Variants in KRT23 observed in about 807,000 individuals in gnomAD.
KRT23 encodes the protein keratin, type I cytoskeletal 23.
Under a neutral mutation model 47.6 loss-of-function variants are expected in KRT23, and 38 were observed. The observed-to-expected ratio is 0.80, with a 90% confidence interval of 0.62 to 1.05. The LOEUF is 1.05. KRT23 is among the 50% of genes least tolerant of loss of function. The pLI is 0.00. For missense variants in KRT23, 503 were observed against 529.5 expected (o/e 0.95, Z 0.49); for synonymous variants, 191 against 199.0 (o/e 0.96, Z 0.34).
intron 6 of KRT23, among the ~76,000 whole-genome samples, chr17:40,926,897 C>T (rs955513075): frequency 6.6e-6 from 1 of 151,912 alleles, no homozygotes; most frequent in East Asian, 1.9e-4. Flanking sequence ...CCCCTCCCTT[C>T]CCCTCCTCTT....
Position 40,923,061 on chromosome 17 carries a change from C to T in KRT23, c.1197G>A (p.Lys399=). The T allele has an allele frequency of 6.2e-7, 1 of 1,613,894 alleles. No homozygotes were observed. Among genetic ancestry groups the T allele is most frequent in the South Asian group, 1.1e-5 (1 of 91,070 alleles). Reference sequence around the variant, plus strand: ...CGTTGATGGTCTCCTGGGTTATGGCCTTGATCTTTGGAGTTGCAGACACTG... The same window carrying T: ...CGTTGATGGTCTCCTGGGTTATGGCTTTGATCTTTGGAGTTGCAGACACTG... ...SMKVSATPKI[K]AITQETINGR... is the part of the protein sequence containing the mutation. Residue 399 remains lysine, a synonymous_variant, in exon 9 of 9, where the codon AAG becomes AAA. Transcript: ENST00000209718.
At position 40,932,811 on chromosome 17, in the gene KRT23, T is replaced by C. The variant is rs188144398; in HGVS notation, c.397-1356A>G. On this transcript the variant is annotated intron_variant, in intron 2 of 8. Transcript: ENST00000209718. ...ACTGATCCCATGGAATTTGGTATCA[T>C]GAATGCACAATAGCAGGATTTAGAG... 7.9e-5 allele frequency among the ~76,000 whole-genome samples: 12 copies of C among 152,348 alleles called. No homozygotes were observed. In the East Asian group the frequency reaches 2.3e-3, roughly 29 times the overall value.
chr17:40,927,193 T>C (rs893247942), intron 6 of KRT23, among the ~76,000 whole-genome samples: 1 of 152,168 alleles, frequency 6.6e-6, no homozygotes, highest in Non-Finnish European at 1.5e-5. Context: ...CCATCTAACA[T>C]ATATTTTGAT....
intron 2 of KRT23, among the ~76,000 whole-genome samples, chr17:40,932,094 G>A (rs1258191661): frequency 6.0e-5 from 9 of 150,838 alleles, no homozygotes; most frequent in African/African-American, 9.7e-5. Context: ...TTTTTTGCCC[G>A]AAGTGACTGT....
chr17:40,932,846 A>T (rs1276160909), intron 2 of KRT23, among the ~76,000 whole-genome samples: 2 of 152,218 alleles, frequency 1.3e-5, no homozygotes. Flanking sequence ...GATGGCATGA[A>T]TGCTGGGTCT....
chr17:40,922,906 T>C lies in KRT23; in HGVS notation c.*83A>G. 1 of 944,274 alleles carries C rather than the reference T, an allele frequency of 1.1e-6. No individual in the cohort carries two copies. Among genetic ancestry groups the C allele is most frequent in the Non-Finnish European group, 1.7e-6 (1 of 585,568 alleles). The allele number at this position is 944,274 out of a possible 1,614,324, so 58.5% of individuals were successfully genotyped here. A position where few individuals can be genotyped will look rare whatever the true frequency, so the allele number is the denominator to read the frequency against. On this transcript the variant is annotated 3_prime_UTR_variant, in exon 9 of 9. Transcript: ENST00000209718. Reference sequence around the variant, plus strand: ...AGTCTGATAATTCCAAGGGTATCTTTTAGAACTCACTCACTGGTGTCTGTG... The same window carrying C: ...AGTCTGATAATTCCAAGGGTATCTTCTAGAACTCACTCACTGGTGTCTGTG...
chr17:40,929,617 G>A, intron 4 of KRT23: 1 of 240,282 alleles, frequency 4.2e-6, no homozygotes, highest in Non-Finnish European at 8.0e-6. Flanking sequence ...CTGAACATTG[G>A]GCCAGTGATG....
chr17:40,931,353 C>A lies in KRT23; in HGVS notation c.479+20G>T. ...GCAAACAAACAAAAACCCGAACAAC[C>A]CTGTGAAGAAGGAACTTACTTGAGG... On this transcript the variant is annotated intron_variant, in intron 3 of 8. Transcript: ENST00000209718. 2 of 1,576,642 alleles carry A rather than the reference C, an allele frequency of 1.3e-6. No homozygotes were observed. Among genetic ancestry groups the A allele is most frequent in the Non-Finnish European group, 1.7e-6 (2 of 1,145,870 alleles).
chr17:40,927,205 A>T (rs549274354), intron 6 of KRT23, among the ~76,000 whole-genome samples: 1 of 152,204 alleles, frequency 6.6e-6, no homozygotes, highest in African/African-American at 2.4e-5. Flanking sequence ...TATTTTGATG[A>T]TTTGCACATT....
rs148164079 is a variant in KRT23 at position 40,927,604 on chromosome 17, T to A, written c.921+634A>T. ...CTGGGAATCAAATGATAGACCTTCA[T>A]AAATTTTGAATGCTTATGACCATGC... is the stretch of plus-strand genomic sequence containing the variant. On this transcript the variant is annotated intron_variant, in intron 6 of 8. Coordinates refer to ENST00000209718, the MANE Select transcript of KRT23 (RefSeq NM_015515.5). Among the ~76,000 whole-genome samples the A allele has an allele frequency of 3.3e-3, 444 of 136,324 alleles. 1 individual carries two copies. The highest frequency in any genetic ancestry group is 0.015 in the Middle Eastern group (4 of 272). 89.4% of individuals were successfully genotyped at this position (136,324 alleles called of 152,430 possible).
chr17:40,925,173 T>C (rs1909144973), intron 7 of KRT23, 181 bp downstream of exon 7: 6 of 604,932 alleles, frequency 9.9e-6, no homozygotes, highest in East Asian at 5.5e-5. Context: ...TGAGTATTAG[T>C]TGATTAATTA....
intron 6 of KRT23, among the ~76,000 whole-genome samples, chr17:40,926,136 A>C (rs925899175): frequency 1.3e-5 from 2 of 152,210 alleles, no homozygotes; most frequent in Non-Finnish European, 2.9e-5. Context: ...TGGTAAAAAA[A>C]AAAAATGTCA....
chr17:40,929,786 C>T (rs1329016622), intron 4 of KRT23, 154 bp downstream of exon 4: 2 of 576,234 alleles, frequency 3.5e-6, no homozygotes, highest in Non-Finnish European at 5.8e-6. Context: ...AAATTAGAAA[C>T]ATTAGATATT....
Position 40,936,457 on chromosome 17 carries a change from C to T in KRT23, c.147G>A (p.Thr49=), listed in dbSNP as rs201367421. 247 of 1,602,318 alleles carry T rather than the reference C, an allele frequency of 1.5e-4. 1 individual carries two copies. Among genetic ancestry groups the T allele is most frequent in the South Asian group, 4.0e-4 (36 of 89,650 alleles). ...GGARISLSFT[T]RSCPPPGGSW... is the part of the protein sequence containing the mutation. The stretch of plus-strand genomic sequence containing the variant: ...ACCCTCCAGGGGGTGGGCAGCTCCG[C>T]GTGGTGAAGGACAGGGAGATGCGGG... Residue 49 remains threonine, a synonymous_variant, in exon 2 of 9, where the codon ACG becomes ACA. Coordinates refer to ENST00000209718, the MANE Select transcript of KRT23 (RefSeq NM_015515.5).
Position 40,936,498 on chromosome 17 carries a change from C to A in KRT23, c.106G>T (p.Gly36Cys). The change falls in exon 2 of 9, where the codon GGC (glycine) becomes TGC (cysteine). Residue 36 changes from glycine (G) to cysteine (C), a missense_variant. By Grantham distance (159) the Gly-to-Cys change is radical. Transcript: ENST00000209718. Reference sequence around the variant, plus strand: ...GAGATGCGGGCTCCCCCCGCACCGCCATGGACGGTGGGAGCCCTGGGGAAG... The same window carrying A: ...GAGATGCGGGCTCCCCCCGCACCGCAATGGACGGTGGGAGCCCTGGGGAAG... ...RSFPRAPTVH[G>C]GAGGARISLS... 6.5e-7 allele frequency: 1 copy of A among 1,544,564 alleles called. No individual in the cohort carries two copies.
chr17:40,931,214 G>C (rs1393887683), intron 3 of KRT23, among the ~76,000 whole-genome samples, 159 bp downstream of exon 3: 5 of 152,052 alleles, frequency 3.3e-5, no homozygotes, highest in Non-Finnish European at 7.4e-5. Context: ...GTTTCACCAT[G>C]TTGGCCAGGA....
chr17:40,924,539 A>G (rs1324579617), intron 7 of KRT23, 36 bp from the exon 8 acceptor site: 5 of 1,555,224 alleles, frequency 3.2e-6, no homozygotes, highest in Non-Finnish European at 4.4e-6. Context: ...TCACTTTAGT[A>G]TTAGCAACAA....
At chr17:40,923,913 G>T (rs753614045) in intron 8 of KRT23, among the ~76,000 whole-genome samples, 4 of 152,314 alleles carry the variant, frequency 2.6e-5, no homozygotes, top group African/African-American at 9.6e-5. Flanking sequence ...CATGTTTCCA[G>T]GTCAAAGATG....
At chr17:40,925,845 A>G (rs1039862841) in intron 6 of KRT23, among the ~76,000 whole-genome samples, 1 of 152,210 alleles carries the variant, frequency 6.6e-6, no homozygotes, top group Admixed American at 6.5e-5. Flanking sequence ...AAACTCCCAA[A>G]GAGCGACAGC....
Sources: gnomAD v4.1 joint callset for allele counts (sites outside exome capture counted in the v4.1 genomes callset) on GRCh38, gnomAD v4.1.1 for gene constraint, MANE v1.5 for transcripts, NCBI Gene and HGNC (gene_info 2026-07-23, HGNC 2026-07-21) for gene names.